SIK3: variants seen among roughly 807,000 people sequenced by gnomAD.
SIK3 encodes serine/threonine-protein kinase SIK3.
A neutral mutation model predicts 144.2 loss-of-function variants in SIK3; 28 were observed. The ratio of observed to expected loss-of-function variants is 0.19; its 90% CI spans 0.14 to 0.27. The LOEUF is 0.27. Ranked by LOEUF, SIK3 falls within the 10% of genes least tolerant of loss-of-function variation. SIK3 has a pLI of 1.00. For synonymous variants in SIK3, 686 were observed against 676.3 expected (o/e 1.01, Z -0.22); for missense variants, 1,319 against 1,776.0 (o/e 0.74, Z 4.62).
intron 3 of SIK3, among the ~76,000 whole-genome samples, chr11:116,935,985 TA>T (rs1947894995): frequency 6.6e-6 from 1 of 152,118 alleles, no homozygotes; most frequent in African/African-American, 2.4e-5. Flanking sequence ...TAAATATATC[TA>T]AATTTAGGCC....
At chr11:116,859,670 G>T in intron 19 of SIK3, 66 bp from the exon 20 acceptor site, 2 of 1,372,828 alleles carry the variant, frequency 1.5e-6, no homozygotes, top group Non-Finnish European at 2.0e-6. Context: ...AGTAATGAGA[G>T]CTAATGAGAA....
At chr11:116,914,757 TG>T (rs1308529021) in intron 4 of SIK3, among the ~76,000 whole-genome samples, 2 of 152,218 alleles carry the variant, frequency 1.3e-5, no homozygotes, top group Non-Finnish European at 2.9e-5. Context: ...TCACTCAATC[TG>T]ATCAAGAAAA....
chr11:116,885,449 T>A (rs1035414997), intron 6 of SIK3, among the ~76,000 whole-genome samples: 1 of 152,178 alleles, frequency 6.6e-6, no homozygotes, highest in African/African-American at 2.4e-5. Context: ...AATCAGGAAA[T>A]CCTGGCCTAA....
intron 3 of SIK3, among the ~76,000 whole-genome samples, chr11:116,939,598 C>G (rs1252252516): frequency 1.3e-5 from 2 of 152,160 alleles, no homozygotes; most frequent in African/African-American, 4.8e-5. Context: ...GTGGGAAAAT[C>G]AGATATTATA....
At chr11:116,958,750 T>C (rs1001664424) in intron 1 of SIK3, among the ~76,000 whole-genome samples, 3 of 152,196 alleles carry the variant, frequency 2.0e-5, no homozygotes, top group African/African-American at 7.2e-5. Context: ...CTTGGTTTCC[T>C]GTAAGAAGTC....
At chr11:116,998,033 T>G (rs992965641) in intron 1 of SIK3, among the ~76,000 whole-genome samples, 4 of 151,986 alleles carry the variant, frequency 2.6e-5, no homozygotes, top group African/African-American at 9.7e-5. Context: ...CTTTTTATTT[T>G]TATAAAGACA....
chr11:116,895,067 C>T (rs1052290601), intron 6 of SIK3, among the ~76,000 whole-genome samples: 3 of 152,178 alleles, frequency 2.0e-5, no homozygotes, highest in East Asian at 1.9e-4. Context: ...ATCCTGTATA[C>T]TTCAGTCACA....
At chr11:117,097,711 C>T (rs1955541619) in intron 1 of SIK3, among the ~76,000 whole-genome samples, 1 of 152,078 alleles carries the variant, frequency 6.6e-6, no homozygotes, top group East Asian at 1.9e-4. Context: ...GGGTCTGCCA[C>T]TTCACCCTTG....
chr11:117,075,840 CTTTTTTTTT>C (rs1037271983), intron 1 of SIK3, among the ~76,000 whole-genome samples: 8 of 40,928 alleles, frequency 2.0e-4, no homozygotes, highest in East Asian at 6.5e-4. Context: ...CCAAGCCTGG[CTTTTTTTTT>C]TTTTTTTTTT....
rs776469065 is a variant in SIK3, at chr11:116,846,521, G to C, written c.3985C>G (p.Pro1329Ala). 6.2e-7 allele frequency: 1 copy of C among 1,614,174 alleles called. No homozygotes were observed. Among genetic ancestry groups the C allele is most frequent in the Non-Finnish European group, 8.5e-7 (1 of 1,180,026 alleles). The part of the protein sequence containing the change: ...CGASLGGHEH[P>A]DLSDGSQHLN... Reference sequence around the variant, plus strand: ...TGCTGGCTGCCATCACTCAGGTCTGGGTGCTCATGACCTCCCAGGCTTGCC... The same window carrying C: ...TGCTGGCTGCCATCACTCAGGTCTGCGTGCTCATGACCTCCCAGGCTTGCC... The change falls in exon 24 of 25, where the codon CCA becomes GCA. Residue 1329 changes from proline to alanine, a missense_variant. This residue lies in a region of SIK3 where 646 missense variants were observed against 763.7 expected (regional missense o/e 0.85). Transcript: ENST00000445177. This position sits in a 1 kb window ranked among gnomAD's most constrained non-coding sequence, Gnocchi z 4.1.
At chr11:117,036,427 A>T (rs1713835860) in intron 1 of SIK3, among the ~76,000 whole-genome samples, 1 of 152,190 alleles carries the variant, frequency 6.6e-6, no homozygotes, top group African/African-American at 2.4e-5. Context: ...GAACTTGTGA[A>T]GAAAGAAGCC....
At chr11:117,023,621 A>AAAAAAATATATATATATATAT (rs754624841) in intron 1 of SIK3, among the ~76,000 whole-genome samples, 3 of 95,420 alleles carry the variant, frequency 3.1e-5, no homozygotes, top group East Asian at 3.1e-4. Flanking sequence ...AAAAAAAAAA[A>AAAAAAATATATATATATATAT]ATATATATAT....
intron 1 of SIK3, among the ~76,000 whole-genome samples, chr11:117,057,510 C>A (rs1197688412): frequency 6.6e-6 from 1 of 152,130 alleles, no homozygotes; most frequent in Non-Finnish European, 1.5e-5. Context: ...TCAATAGGAA[C>A]AAGTACTCGG....
At chr11:116,948,788 A>G (rs1201527306) in intron 3 of SIK3, among the ~76,000 whole-genome samples, 2 of 151,152 alleles carry the variant, frequency 1.3e-5, no homozygotes, top group Non-Finnish European at 3.0e-5. Flanking sequence ...TATAATCTTT[A>G]TTTCCTTCTT....
chr11:116,953,940 G>T, intron 3 of SIK3, 104 bp downstream of exon 3: 1 of 787,382 alleles, frequency 1.3e-6, no homozygotes, highest in Non-Finnish European at 2.1e-6. Context: ...TTGAAGAACA[G>T]CATCAAGTGA....
intron 3 of SIK3, among the ~76,000 whole-genome samples, chr11:116,953,056 T>A (rs997242396): frequency 6.6e-6 from 1 of 152,044 alleles, no homozygotes; most frequent in African/African-American, 2.4e-5. Context: ...AAAGATACTT[T>A]GACACACAAA....
At chr11:116,863,158 CAGG>C (rs1317148490) in intron 16 of SIK3, among the ~76,000 whole-genome samples, 3 of 151,894 alleles carry the variant, frequency 2.0e-5, no homozygotes, top group Non-Finnish European at 4.4e-5. Flanking sequence ...GAACTAGAGA[CAGG>C]AGAAAAATTT....
At chr11:116,862,089 T>C in intron 17 of SIK3, 113 bp downstream of exon 17, 1 of 1,497,886 alleles carries the variant, frequency 6.7e-7, no homozygotes, top group Non-Finnish European at 9.2e-7. Context: ...ATGTCAACCA[T>C]AAACAGACCT....
intron 13 of SIK3, among the ~76,000 whole-genome samples, chr11:116,871,417 G>GCA (rs1332124452): frequency 6.6e-6 from 1 of 152,256 alleles, no homozygotes; most frequent in East Asian, 1.9e-4. Flanking sequence ...TGTAGATGAG[G>GCA]CAGGAGAGGA....
Sources: gnomAD v4.1 joint callset for allele counts (sites outside exome capture counted in the v4.1 genomes callset) on GRCh38, gnomAD v4.1.1 for gene constraint, gnomAD v4.1.1 regional missense constraint, Gnocchi (gnomAD v3.1) non-coding constraint, MANE v1.5 for transcripts, NCBI Gene and HGNC (gene_info 2026-07-23, HGNC 2026-07-21) for gene names.